AMY2B: variants seen among roughly 807,000 people sequenced by gnomAD.
The protein encoded by AMY2B is amylase alpha 2B.
In AMY2B, 63 loss-of-function variants were observed where a neutral mutation model predicts 59.3. The ratio of observed to expected loss-of-function variants is 1.06; its 90% confidence interval spans 0.87 to 1.31. The LOEUF is 1.31. Among genes scored for constraint, AMY2B ranks in the 50% most tolerant of loss-of-function variants. The probability of loss-of-function intolerance (pLI) is 0.00; values close to 1 mark genes in which losing one functional copy is unlikely to be tolerated. For missense variants in AMY2B, 635 were observed against 626.7 expected (o/e 1.01, Z -0.14); for synonymous variants, 180 against 198.1 (o/e 0.91, Z 0.77).
intron 5 of AMY2B, 104 bp from the exon 6 acceptor site, chr1:103,575,115 GAATT>G: frequency 6.7e-7 from 1 of 1,494,592 alleles, no homozygotes; most frequent in Non-Finnish European, 9.1e-7. Context: ...ATTAGAGAAA[GAATT>G]TAATCTTCAG....
At chr1:103,558,265 G>T (rs936349919) in intron 1 of AMY2B, among the ~76,000 whole-genome samples, 14 of 152,162 alleles carry the variant, frequency 9.2e-5, no homozygotes, top group African/African-American at 3.4e-4. Context: ...GAGTGCCTTT[G>T]TTGATCCTAG....
chr1:103,571,291 T>C (rs921734072), upstream of AMY2B: 3 of 752,222 alleles, frequency 4.0e-6, no homozygotes, highest in Non-Finnish European at 5.7e-6. Context: ...TTTAAAGAGA[T>C]GACAACAAAT....
At chr1:103,569,173 A>AT (rs1218505040), upstream of AMY2B, 1 of 152,012 alleles carries the variant, frequency 6.6e-6, no homozygotes, top group East Asian at 1.9e-4. Flanking sequence ...CTCATAACAC[A>AT]TGGGGGTTAT....
upstream of AMY2B, chr1:103,571,224 A>T: frequency 1.5e-6 from 1 of 673,288 alleles, no homozygotes; most frequent in Non-Finnish European, 2.0e-6. Flanking sequence ...ATTTATACCT[A>T]TAAATGTATT....
At chr1:103,578,970 T>C (rs1344786081) in intron 9 of AMY2B, among the ~76,000 whole-genome samples, 2 of 152,214 alleles carry the variant, frequency 1.3e-5, no homozygotes, top group Non-Finnish European at 2.9e-5. Context: ...TTTAAATTTT[T>C]AAAAGTAATT....
chr1:103,565,426 C>T (rs1651876458), intron 1 of AMY2B: 1 of 152,226 alleles, frequency 6.6e-6, no homozygotes, highest in Non-Finnish European at 1.5e-5. Context: ...AAAATATGTT[C>T]TTCCACAGTT....
intron 1 of AMY2B, among the ~76,000 whole-genome samples, chr1:103,558,762 G>GA (rs781030633): frequency 0.034 from 2,531 of 73,972 alleles, 53 homozygotes; most frequent in African/African-American, 0.091. Flanking sequence ...GACCCCAACT[G>GA]AAAAAAAAAA....
Position 103,562,568 on chromosome 1 carries a change from T to G in AMY2B, c.-206-2867T>G, listed in dbSNP as rs551859217. ...TTGATCAAGTTCATAAATGTGACAT[T>G]AAGGTATTTCAGTTGTAATTTTTAA... On this transcript the variant is annotated intron_variant, in intron 1 of 11. Coordinates refer to the AMY2B transcript ENST00000361355. Among the ~76,000 whole-genome samples the G allele has an allele frequency of 3.9e-5, 6 of 152,176 alleles. No individual in the cohort carries two copies. In the South Asian group the frequency reaches 8.3e-4, roughly 21 times the overall value.
intron 1 of AMY2B, among the ~76,000 whole-genome samples, 160 bp downstream of exon 1, chr1:103,571,930 T>C (rs1340093978): frequency 6.6e-6 from 1 of 152,214 alleles, no homozygotes; most frequent in Non-Finnish European, 1.5e-5. Flanking sequence ...TTGGCAACTT[T>C]ATATTTTGTT....
chr1:103,577,633 C>T lies in AMY2B; in HGVS notation c.1220+25C>T. 3.1e-6 allele frequency: 5 copies of T among 1,611,780 alleles called. No homozygotes were observed. In the East Asian group the frequency reaches 6.7e-5, roughly 22 times the overall value. The stretch of plus-strand genomic sequence containing the variant: ...GGTGAGAATATGTATTTAGACATGT[C>T]CTCTAATAGTAAACTTTCCATTGCA... On this transcript the variant is annotated intron_variant, in intron 8 of 9. Transcript: ENST00000684275.
At position 103,557,169 on chromosome 1, in the gene AMY2B, CACAT is replaced by C. The variant is rs558071483; in HGVS notation, c.-207+2080_-207+2083del. Among the ~76,000 whole-genome samples, 522 of 151,328 alleles carry C rather than the reference CACAT, an allele frequency of 3.4e-3. 1 individual carries two copies. The highest frequency in any genetic ancestry group is 5.0e-3 in the South Asian group (24 of 4,798). ...GCGCGCGCACACACACACACACACA[CACAT>C]ACATACATACATACATACACACAAA... On this transcript the variant is annotated intron_variant, in intron 1 of 11. Coordinates refer to the AMY2B transcript ENST00000361355.
At chr1:103,568,979 G>A (rs1314248195), upstream of AMY2B, 1 of 152,106 alleles carries the variant, frequency 6.6e-6, no homozygotes, top group Non-Finnish European at 1.5e-5. Context: ...TACAATCATG[G>A]TGGAAGGGGA....
upstream of AMY2B, among the ~76,000 whole-genome samples, chr1:103,567,252 G>T (rs908003571): frequency 2.6e-5 from 4 of 152,030 alleles, no homozygotes; most frequent in Non-Finnish European, 5.9e-5. Flanking sequence ...AAAACCACTA[G>T]GAAATTCATG....
At chr1:103,561,442 A>C (rs980245762) in intron 1 of AMY2B, among the ~76,000 whole-genome samples, 1 of 151,966 alleles carries the variant, frequency 6.6e-6, no homozygotes, top group African/African-American at 2.4e-5. Flanking sequence ...TAATTTTTGT[A>C]GTTTTAGTAG....
At chr1:103,569,687 G>A (rs970751231), upstream of AMY2B, 8 of 387,944 alleles carry the variant, frequency 2.1e-5, no homozygotes, top group Non-Finnish European at 3.6e-5. Context: ...ATGATGGTGG[G>A]CATGGGCCAG....
At chr1:103,563,598 A>G (rs1651808374) in intron 1 of AMY2B, among the ~76,000 whole-genome samples, 1 of 152,132 alleles carries the variant, frequency 6.6e-6, no homozygotes, top group Non-Finnish European at 1.5e-5. Flanking sequence ...GAGAAAATAT[A>G]TGATAATGCC....
At chr1:103,570,287 A>G, upstream of AMY2B, 1 of 578,574 alleles carries the variant, frequency 1.7e-6, no homozygotes, top group South Asian at 1.4e-5. Flanking sequence ...CCTGATGGCC[A>G]TGTCATCACC....
chr1:103,561,359 C>G (rs1368829483), intron 1 of AMY2B, among the ~76,000 whole-genome samples: 2 of 152,056 alleles, frequency 1.3e-5, no homozygotes, highest in Non-Finnish European at 2.9e-5. Flanking sequence ...CCTCCACCTC[C>G]TGGGTTCAAG....
chr1:103,569,352 C>T (rs1652024985), upstream of AMY2B: 2 of 169,846 alleles, frequency 1.2e-5, no homozygotes, highest in African/African-American at 4.9e-5. Context: ...AAATACAGTC[C>T]TTATGTGTTT....
Sources: allele counts gnomAD v4.1 joint callset (sites outside exome capture counted in the v4.1 genomes callset), GRCh38; gene constraint gnomAD v4.1.1; transcripts MANE v1.5; gene names NCBI Gene and HGNC (gene_info 2026-07-23, HGNC 2026-07-21).